The following SH3GLB1 variants were observed in gnomAD, a reference collection of about 807,000 sequenced individuals.
The protein encoded by SH3GLB1 is endophilin-B1.
Under a neutral mutation model 42.0 loss-of-function variants are expected in SH3GLB1, and 17 were observed. The ratio of observed to expected loss-of-function variants is 0.40; its 90% CI spans 0.28 to 0.61. The LOEUF is 0.61. Among genes scored for constraint, SH3GLB1 ranks in the 20% least tolerant of loss-of-function variants. The pLI is 0.36. For missense variants in SH3GLB1, 355 were observed against 426.3 expected, an observed-to-expected ratio of 0.83 and a Z score of 1.47; for synonymous variants, 132 against 146.6, an observed-to-expected ratio of 0.90 and a Z score of 0.72.
chr1:86,706,943 T>G (rs958191043), intron 1 of SH3GLB1, among the ~76,000 whole-genome samples: 3 of 152,250 alleles, frequency 2.0e-5, no homozygotes, highest in Non-Finnish European at 4.4e-5. Flanking sequence ...GCTAATCTGT[T>G]AGCCATCAAA....
chr1:86,723,567 A>T lies in SH3GLB1; in HGVS notation c.478-746A>T, dbSNP rs536321174. 3.3e-5 allele frequency among the ~76,000 whole-genome samples: 5 copies of T among 152,272 alleles called. No individual in the cohort carries two copies. The South Asian group carries it at 1.0e-3, about 32-fold the overall frequency. ...TAAAAATTAGCTTATCAGTGCAATG[A>T]AATTTGACATATGGAATCTAAGATT... On this transcript the variant is annotated intron_variant, in intron 4 of 8. Coordinates refer to ENST00000370558, the MANE Select transcript of SH3GLB1 (RefSeq NM_016009.5).
chr1:86,736,928 A>T (rs951694761), intron 7 of SH3GLB1, among the ~76,000 whole-genome samples: 1 of 152,196 alleles, frequency 6.6e-6, no homozygotes, highest in African/African-American at 2.4e-5. Flanking sequence ...ACATTCAAAA[A>T]CTATTTATGA....
rs1653736925 is a variant in SH3GLB1, at chr1:86,704,933, G to A, written c.34G>A (p.Ala12Thr). 3.2e-6 allele frequency: 5 copies of A among 1,586,058 alleles called. No homozygotes were observed. Among genetic ancestry groups the A allele is most frequent in the Non-Finnish European group, 4.3e-6 (5 of 1,168,594 alleles). ...NIMDFNVKKL[A>T]ADAGTFLSRA... ...CATGGACTTCAACGTGAAGAAGCTGGCGGCCGACGCAGGCACCTTCCTCAG... is the reference window on the plus strand; with the variant it reads ...CATGGACTTCAACGTGAAGAAGCTGACGGCCGACGCAGGCACCTTCCTCAG... The change falls in exon 1 of 9, where the codon GCG becomes ACG. Residue 12 changes from alanine (A) to threonine (T), a missense_variant. By Grantham distance (58) the Ala-to-Thr change is moderately conservative. Transcript: ENST00000370558.
chr1:86,715,380 TTACTCTTTACCGTTATCCTAGTC>T lies in SH3GLB1; in HGVS notation c.73-340_73-318del, dbSNP rs1654460344. On this transcript the variant is annotated intron_variant, in intron 1 of 8. Coordinates refer to ENST00000370558, the MANE Select transcript of SH3GLB1 (RefSeq NM_016009.5). ...TTCAGATTCAACTGACTCAAAGCTC[TTACTCTTTACCGTTATCCTAGTC>T]TACCTAGGATAGGTAGTTGAAATAG... Among the ~76,000 whole-genome samples the T allele has an allele frequency of 4.6e-5, 7 of 152,334 alleles. 1 individual carries two copies. In the South Asian group the frequency reaches 1.2e-3, roughly 27 times the overall value.
Position 86,734,636 on chromosome 1 carries a change from T to A in SH3GLB1, c.605T>A (p.Phe202Tyr). The change falls in exon 6 of 9, where the codon TTT (phenylalanine) becomes TAT (tyrosine). Residue 202 changes from phenylalanine (F) to tyrosine (Y), a missense_variant. Phe to Tyr is a conservative substitution (Grantham distance 22). Coordinates refer to ENST00000370558, the MANE Select transcript of SH3GLB1 (RefSeq NM_016009.5). The part of the protein sequence containing the change: ...EQELRITQSE[F>Y]DRQAEITRLL... ...GAATTAAGAATAACTCAAAGTGAAT[T>A]TGATCGTCAAGCAGAGATTACCAGA... is the stretch of plus-strand genomic sequence containing the variant. 6.2e-7 allele frequency: 1 copy of A among 1,613,324 alleles called. No individual in the cohort carries two copies. Among genetic ancestry groups the A allele is most frequent in the Non-Finnish European group, 8.5e-7 (1 of 1,179,464 alleles).
chr1:86,738,424 C>T (rs183558231), intron 7 of SH3GLB1, among the ~76,000 whole-genome samples: 31 of 152,100 alleles, frequency 2.0e-4, no homozygotes, highest in African/African-American at 6.3e-4. Flanking sequence ...CACCACCACA[C>T]CCAGCTAATT....
At chr1:86,712,298 C>T (rs190914459) in intron 1 of SH3GLB1, among the ~76,000 whole-genome samples, 101 of 151,840 alleles carry the variant, frequency 6.7e-4, no homozygotes, top group African/African-American at 2.1e-3. Context: ...CAGAGTGCTG[C>T]GAACAGACAT....
intron 1 of SH3GLB1, among the ~76,000 whole-genome samples, chr1:86,707,195 CATT>C (rs1340263893): frequency 1.3e-5 from 2 of 152,286 alleles, no homozygotes; most frequent in Admixed American, 1.3e-4. Context: ...TATTTTCTAA[CATT>C]AGTATCGTGT....
chr1:86,741,556 T>C (rs1656058355), intron 7 of SH3GLB1, among the ~76,000 whole-genome samples: 1 of 152,204 alleles, frequency 6.6e-6, no homozygotes, highest in Non-Finnish European at 1.5e-5. Context: ...TATTCTACCA[T>C]TGAGTCTTCA....
At position 86,743,115 on chromosome 1, in the gene SH3GLB1, T is replaced by C. The variant is rs1439226329; in HGVS notation, c.991-13T>C. On this transcript the variant is annotated splice_polypyrimidine_tract_variant and intron_variant, in intron 8 of 8. Coordinates refer to ENST00000370558, the MANE Select transcript of SH3GLB1 (RefSeq NM_016009.5). Reference sequence around the variant, plus strand: ...TTAATGTAGTTAATAACTGGAAGTATTTTATTTTGCAGGTGATCACTGTGT... The same window carrying C: ...TTAATGTAGTTAATAACTGGAAGTACTTTATTTTGCAGGTGATCACTGTGT... The C allele has an allele frequency of 4.4e-6, 7 of 1,600,332 alleles. No individual in the cohort carries two copies. In the Admixed American group the frequency reaches 8.5e-5, roughly 19 times the overall value.
rs1284567743 is a variant in SH3GLB1, at chr1:86,724,880, A to AT, written c.570+475_570+476insT. 2.4e-3 allele frequency among the ~76,000 whole-genome samples: 246 copies of AT among 103,582 alleles called. 9 individuals carry two copies. The highest frequency in any genetic ancestry group is 0.013 in the African/African-American group (235 of 18,276). 68.0% of individuals were successfully genotyped at this position (103,582 alleles called of 152,430 possible). A position where few individuals can be genotyped will look rare whatever the true frequency, so the allele number is the denominator to read the frequency against. ...CAGAGCCAGACCCTGTCTTTAAAAA[A>AT]AAAAAAAAAAAAATATATATATATA... is the stretch of plus-strand genomic sequence containing the variant. On this transcript the variant is annotated intron_variant, in intron 5 of 8. Transcript: ENST00000370558.
intron 5 of SH3GLB1, among the ~76,000 whole-genome samples, chr1:86,725,418 T>G (rs1408356628): frequency 1.3e-5 from 2 of 152,184 alleles, no homozygotes; most frequent in Non-Finnish European, 2.9e-5. Flanking sequence ...AATTTTTCTT[T>G]AAAGATTTAT....
At chr1:86,708,525 G>A (rs1350637813) in intron 1 of SH3GLB1, among the ~76,000 whole-genome samples, 1 of 152,096 alleles carries the variant, frequency 6.6e-6, no homozygotes, top group Admixed American at 6.5e-5. Flanking sequence ...GCACATAGAT[G>A]CGTCCCATCA....
At chr1:86,711,746 A>G (rs1203424000) in intron 1 of SH3GLB1, among the ~76,000 whole-genome samples, 1 of 152,026 alleles carries the variant, frequency 6.6e-6, no homozygotes, top group Non-Finnish European at 1.5e-5. Flanking sequence ...ATCTTTTTTT[A>G]AAAGAAAGAA....
intron 1 of SH3GLB1, among the ~76,000 whole-genome samples, chr1:86,707,828 A>G (rs1287627614): frequency 6.6e-6 from 1 of 151,944 alleles, no homozygotes; most frequent in Non-Finnish European, 1.5e-5. Flanking sequence ...TTGCATTTTT[A>G]GTAGAGATGG....
rs931932593 is a variant in SH3GLB1 at position 86,707,118 on chromosome 1, G to A, written c.72+2147G>A. ...AGATAAGCTTGTAAATACATCAGGTGGTGATAAAAATCATGGCCAGAAGAA... is the reference window on the plus strand; with the variant it reads ...AGATAAGCTTGTAAATACATCAGGTAGTGATAAAAATCATGGCCAGAAGAA... On this transcript the variant is annotated intron_variant, in intron 1 of 8. Coordinates refer to ENST00000370558, the MANE Select transcript of SH3GLB1 (RefSeq NM_016009.5). Among the ~76,000 whole-genome samples the A allele has an allele frequency of 2.0e-4, 31 of 152,104 alleles. 1 individual carries two copies. Among genetic ancestry groups the A allele is most frequent in the African/African-American group, 7.0e-4 (29 of 41,416 alleles).
chr1:86,723,288 G>T (rs1461759073), intron 4 of SH3GLB1, among the ~76,000 whole-genome samples: 2 of 152,130 alleles, frequency 1.3e-5, no homozygotes, highest in Admixed American at 6.5e-5. Flanking sequence ...AAGGTGGGTG[G>T]ATCACTTGAG....
At chr1:86,731,873 A>G (rs925167538) in intron 5 of SH3GLB1, among the ~76,000 whole-genome samples, 7 of 152,090 alleles carry the variant, frequency 4.6e-5, no homozygotes, top group Non-Finnish European at 8.8e-5. Flanking sequence ...TGAGGTCAGG[A>G]GTTCAAAACC....
rs989070207 is a variant in SH3GLB1, at chr1:86,745,986, C to CA, written c.*2754dup. ...ATTGGATTGTGTCTACCTTTTTCCT[C>CA]AAAGTAATCTAACCTAAACGGTCAT... is the stretch of plus-strand genomic sequence containing the variant. On this transcript the variant is annotated 3_prime_UTR_variant, in exon 9 of 9. Coordinates refer to ENST00000370558, the MANE Select transcript of SH3GLB1 (RefSeq NM_016009.5). The CA allele has an allele frequency of 1.3e-5, 2 of 152,486 alleles. No individual in the cohort carries two copies. The highest frequency in any genetic ancestry group is 4.8e-5 in the African/African-American group (2 of 41,394). 9.4% of individuals were successfully genotyped at this position (152,486 alleles called of 1,614,324 possible).
Sources: gnomAD v4.1 joint callset for allele counts (sites outside exome capture counted in the v4.1 genomes callset) on GRCh38, gnomAD v4.1.1 for gene constraint, MANE v1.5 for transcripts, NCBI Gene and HGNC (gene_info 2026-07-23, HGNC 2026-07-21) for gene names.